Variants in ADAT2 observed in about 807,000 individuals in gnomAD.
The protein encoded by ADAT2 is adenosine deaminase tRNA specific 2.
A neutral mutation model predicts 25.9 loss-of-function variants in ADAT2; 26 were observed. The ratio of observed to expected loss-of-function variants is 1.00; its 90% CI spans 0.74 to 1.39. The LOEUF is 1.39. Ranked by LOEUF, ADAT2 falls within the 40% of genes most tolerant of loss-of-function variation. The probability of loss-of-function intolerance (pLI) is 0.00; values close to 1 mark genes in which losing one functional copy is unlikely to be tolerated. For missense variants in ADAT2, 220 were observed against 244.8 expected (o/e 0.90, Z 0.68); for synonymous variants, 76 against 86.8 (o/e 0.88, Z 0.69).
chr6:143,444,799 C>G lies in ADAT2; in HGVS notation c.96+5764G>C, dbSNP rs1228399221. 7.5e-6 allele frequency: 4 copies of G among 533,704 alleles called. 1 individual carries two copies. The South Asian group carries it at 1.2e-4, about 16-fold the overall frequency. 33.1% of individuals were successfully genotyped at this position (533,704 alleles called of 1,614,324 possible). ...CTTTTTTTTCTCTAGTCAGGGCCTG[C>G]CCAGATACAGATAATGAAAGCACCT... On this transcript the variant is annotated intron_variant, in intron 1 of 5. Transcript: ENST00000237283. This position sits in a 1 kb window ranked among gnomAD's most constrained non-coding sequence, Gnocchi z 4.3.
chr6:143,450,560 CA>C lies in ADAT2; in HGVS notation c.96+2del. On this transcript the variant is annotated splice_donor_variant, in intron 1 of 5. Transcript: ENST00000237283. LOFTEE classifies it high-confidence loss of function. ...CGCAGCATCTACCTCCCGGGCTCCTCACCATGTGCATCGCCTCCTCCATCCA... is the reference window on the plus strand; with the variant it reads ...CGCAGCATCTACCTCCCGGGCTCCTCCCATGTGCATCGCCTCCTCCATCCA... 1 of 1,614,108 alleles carries C rather than the reference CA, an allele frequency of 6.2e-7. No homozygotes were observed. Among genetic ancestry groups the C allele is most frequent in the African/African-American group, 1.3e-5 (1 of 75,046 alleles).
rs1029665187 is a variant in ADAT2 at position 143,442,674 on chromosome 6, A to C, written c.97-3980T>G. ...TTATTGTAATTTCTTGTGAACTTAT[A>C]ATTATTTCAAAATGAAAGTTAAAAA... On this transcript the variant is annotated intron_variant, in intron 1 of 5. Coordinates refer to ENST00000237283, the MANE Select transcript of ADAT2 (RefSeq NM_182503.3). The surrounding 1 kb of genome is among the most constrained non-coding windows in gnomAD (Gnocchi z 4.6). 6.6e-6 allele frequency among the ~76,000 whole-genome samples: 1 copy of C among 152,208 alleles called. No homozygotes were observed. Among genetic ancestry groups the C allele is most frequent in the African/African-American group, 2.4e-5 (1 of 41,450 alleles).
Position 143,446,826 on chromosome 6 carries a change from A to G in ADAT2, c.96+3737T>C, listed in dbSNP as rs971383798. Among the ~76,000 whole-genome samples, 3 of 152,142 alleles carry G rather than the reference A, an allele frequency of 2.0e-5. No homozygotes were observed. Among genetic ancestry groups the G allele is most frequent in the African/African-American group, 7.2e-5 (3 of 41,432 alleles). ...CCCATCTGAAAATGAGGACCATAAT[A>G]ATACTCACCTGATAGGGCTTCTGTG... is the stretch of plus-strand genomic sequence containing the variant. On this transcript the variant is annotated intron_variant, in intron 1 of 5. Coordinates refer to ENST00000237283, the MANE Select transcript of ADAT2 (RefSeq NM_182503.3). The surrounding 1 kb of genome is among the most constrained non-coding windows in gnomAD (Gnocchi z 5.0).
At chr6:143,450,525 G>T in intron 1 of ADAT2, 38 bp downstream of exon 1, 6 of 1,603,090 alleles carry the variant, frequency 3.7e-6, no homozygotes, top group Non-Finnish European at 4.3e-6. Context: ...GCTGGAGAAA[G>T]GTCCCACCCC....
rs576813743 is a variant in ADAT2 at position 143,434,087 on chromosome 6, A to T, written c.202-106T>A. The stretch of plus-strand genomic sequence containing the variant: ...AAATATGCGCCTATCCTTTCTGCCA[A>T]TATTTTAATGAATACAGTTTCAAGA... On this transcript the variant is annotated intron_variant, in intron 2 of 5. Coordinates refer to ENST00000237283, the MANE Select transcript of ADAT2 (RefSeq NM_182503.3). The surrounding 1 kb of genome is among the most constrained non-coding windows in gnomAD (Gnocchi z 4.5). 1.4e-6 allele frequency: 2 copies of T among 1,387,714 alleles called. No individual in the cohort carries two copies. The highest frequency in any genetic ancestry group is 4.6e-5 in the East Asian group (2 of 43,690). 86.0% of individuals were successfully genotyped at this position (1,387,714 alleles called of 1,614,324 possible).
chr6:143,435,209 C>G (rs966696406), intron 2 of ADAT2, among the ~76,000 whole-genome samples: 3 of 141,520 alleles, frequency 2.1e-5, no homozygotes. Context: ...TTCAAAAAAT[C>G]AGATTTAGAA....
intron 2 of ADAT2, 94 bp downstream of exon 2, chr6:143,438,496 T>C (rs929126314): frequency 8.8e-6 from 8 of 906,860 alleles, no homozygotes; most frequent in African/African-American, 6.6e-5. Context: ...TACGGGACTA[T>C]ATTCAGTCTC....
chr6:143,432,375 G>C lies in ADAT2; in HGVS notation c.459+130C>G, dbSNP rs2272923. On this transcript the variant is annotated intron_variant, in intron 4 of 5. Coordinates refer to ENST00000237283, the MANE Select transcript of ADAT2 (RefSeq NM_182503.3). This position sits in a 1 kb window ranked among gnomAD's most constrained non-coding sequence, Gnocchi z 4.4. Reference sequence around the variant, plus strand: ...GAGGCATAAATGAACTCCACCAGAGGCCCTGAGATCAAAGATGTCTGATTC... The same window carrying C: ...GAGGCATAAATGAACTCCACCAGAGCCCCTGAGATCAAAGATGTCTGATTC... The C allele has an allele frequency of 1.2e-6, 1 of 801,740 alleles. No homozygotes were observed. The highest frequency in any genetic ancestry group is 2.7e-5 in the East Asian group (1 of 37,192). 49.7% of individuals were successfully genotyped at this position (801,740 alleles called of 1,614,324 possible).
Position 143,428,067 on chromosome 6 carries a change from T to C in ADAT2, c.*396A>G. 1 of 185,540 alleles carries C rather than the reference T, an allele frequency of 5.4e-6. No homozygotes were observed. The highest frequency in any genetic ancestry group is 1.1e-5 in the Non-Finnish European group (1 of 88,076). 11.5% of individuals were successfully genotyped at this position (185,540 alleles called of 1,614,324 possible). On this transcript the variant is annotated 3_prime_UTR_variant, in exon 6 of 6. Coordinates refer to ENST00000237283, the MANE Select transcript of ADAT2 (RefSeq NM_182503.3). The surrounding 1 kb of genome is among the most constrained non-coding windows in gnomAD (Gnocchi z 5.0). ...GAATCTGATTCTGAAATGCCAGTCCTGGAGAAGGTGTTCTCAGGGTGGCAA... is the reference window on the plus strand; with the variant it reads ...GAATCTGATTCTGAAATGCCAGTCCCGGAGAAGGTGTTCTCAGGGTGGCAA...
chr6:143,438,546 C>G, intron 2 of ADAT2, 44 bp downstream of exon 2: 1 of 1,461,000 alleles, frequency 6.8e-7, no homozygotes, highest in South Asian at 1.2e-5. Flanking sequence ...CCAGTCCACC[C>G]ATCACTACTG....
chr6:143,429,014 A>G (rs1392321284), intron 4 of ADAT2, among the ~76,000 whole-genome samples: 1 of 140,396 alleles, frequency 7.1e-6, no homozygotes, highest in East Asian at 1.9e-4. Context: ...CAATAATAGC[A>G]CTTACTTCAG....
Position 143,428,169 on chromosome 6 carries a change from G to A in ADAT2, c.*294C>T. 2.6e-6 allele frequency: 1 copy of A among 387,254 alleles called. No homozygotes were observed. Among genetic ancestry groups the A allele is most frequent in the Admixed American group, 4.3e-5 (1 of 23,338 alleles). 24.0% of individuals were successfully genotyped at this position (387,254 alleles called of 1,614,324 possible). ...AGAAGTCAGCACTTGCCTGGACTGG[G>A]CACTTGTGGCTAGAAGGGTATGCAC... On this transcript the variant is annotated 3_prime_UTR_variant, in exon 6 of 6. Transcript: ENST00000237283. This position sits in a 1 kb window ranked among gnomAD's most constrained non-coding sequence, Gnocchi z 5.0.
intron 2 of ADAT2, among the ~76,000 whole-genome samples, chr6:143,435,292 C>T (rs537681706): frequency 6.6e-6 from 1 of 151,840 alleles, no homozygotes; most frequent in African/African-American, 2.4e-5. Flanking sequence ...AACTCTCTTA[C>T]TACTAAAGAA....
chr6:143,436,220 C>T lies in ADAT2; in HGVS notation c.202-2239G>A. On this transcript the variant is annotated intron_variant, in intron 2 of 5. Transcript: ENST00000237283. This position sits in a 1 kb window ranked among gnomAD's most constrained non-coding sequence, Gnocchi z 4.1. The stretch of plus-strand genomic sequence containing the variant: ...ATGAGCATTTAAACAACAAAGAAGG[C>T]CCTGACAGTGGCTGAACTCCCCCAG... The T allele has an allele frequency of 4.7e-6, 1 of 211,512 alleles. No individual in the cohort carries two copies. The highest frequency in any genetic ancestry group is 1.0e-5 in the Non-Finnish European group (1 of 99,052). The allele number at this position is 211,512 out of a possible 1,614,324, so 13.1% of individuals were successfully genotyped here.
intron 1 of ADAT2, among the ~76,000 whole-genome samples, chr6:143,448,362 T>C (rs918430853): frequency 1.3e-5 from 2 of 152,110 alleles, no homozygotes; most frequent in Admixed American, 6.5e-5. Context: ...GTAACAAACC[T>C]GCACATTGTG....
intron 4 of ADAT2, among the ~76,000 whole-genome samples, chr6:143,430,733 T>C (rs1779086012): frequency 6.6e-6 from 1 of 151,962 alleles, no homozygotes; most frequent in Non-Finnish European, 1.5e-5. Context: ...GCCCGGCTAA[T>C]TTTTTGTATT....
chr6:143,436,455 A>G lies in ADAT2; in HGVS notation c.201+2135T>C, dbSNP rs188296504. Reference sequence around the variant, plus strand: ...TCTGGGACATCCCATCCGCAGGACTAAAAACGTCCACCACTTTCATCAGTA... The same window carrying G: ...TCTGGGACATCCCATCCGCAGGACTGAAAACGTCCACCACTTTCATCAGTA... On this transcript the variant is annotated intron_variant, in intron 2 of 5. Transcript: ENST00000237283. This position sits in a 1 kb window ranked among gnomAD's most constrained non-coding sequence, Gnocchi z 4.1. 16 of 267,674 alleles carry G rather than the reference A, an allele frequency of 6.0e-5. No individual in the cohort carries two copies. In the East Asian group the frequency reaches 1.6e-3, roughly 27 times the overall value. 16.6% of individuals were successfully genotyped at this position (267,674 alleles called of 1,614,324 possible).
In ADAT2 at chr6:143,446,709, T is replaced by C. The variant is rs777254367; in HGVS notation, c.96+3854A>G. Among the ~76,000 whole-genome samples the C allele has an allele frequency of 2.7e-5, 4 of 150,930 alleles. No homozygotes were observed. The highest frequency in any genetic ancestry group is 5.9e-5 in the Non-Finnish European group (4 of 67,782). ...CACCGAGAGGCAGGCCAGGCCAGTATTTAACAGCAGATGACAGGCCTCAAA... is the reference window on the plus strand; with the variant it reads ...CACCGAGAGGCAGGCCAGGCCAGTACTTAACAGCAGATGACAGGCCTCAAA... On this transcript the variant is annotated intron_variant, in intron 1 of 5. Coordinates refer to ENST00000237283, the MANE Select transcript of ADAT2 (RefSeq NM_182503.3). The surrounding 1 kb of genome is among the most constrained non-coding windows in gnomAD (Gnocchi z 5.0).
intron 4 of ADAT2, among the ~76,000 whole-genome samples, chr6:143,430,348 CT>C (rs1275694279): frequency 6.6e-6 from 1 of 152,156 alleles, no homozygotes; most frequent in Non-Finnish European, 1.5e-5. Flanking sequence ...TGTTGGCCCC[CT>C]GCCTTCTGAT....
Sources: allele counts gnomAD v4.1 joint callset (sites outside exome capture counted in the v4.1 genomes callset), GRCh38; gene constraint gnomAD v4.1.1; non-coding constraint Gnocchi (gnomAD v3.1); transcripts MANE v1.5; gene names NCBI Gene and HGNC (gene_info 2026-07-23, HGNC 2026-07-21).